The following FBXO34 variants were observed in gnomAD, a reference collection of about 807,000 sequenced individuals.
FBXO34 encodes the protein F-box only protein 34.
A neutral mutation model predicts 24.5 loss-of-function variants in FBXO34; 12 were observed. The ratio of observed to expected loss-of-function variants is 0.49; its 90% CI spans 0.31 to 0.79. The LOEUF (loss-of-function observed/expected upper bound fraction) is 0.79. Ranked by LOEUF, FBXO34 falls within the 30% of genes least tolerant of loss-of-function variation. The pLI is 0.04. For missense variants in FBXO34, 823 were observed against 857.7 expected (o/e 0.96, Z 0.51); for synonymous variants, 320 against 311.9 (o/e 1.03, Z -0.27).
chr14:55,308,804 G>A (rs944496865), intron 1 of FBXO34, among the ~76,000 whole-genome samples: 1 of 152,128 alleles, frequency 6.6e-6, no homozygotes, highest in East Asian at 1.9e-4. Flanking sequence ...AATGATTATG[G>A]TTTAAAAGCT....
At chr14:55,309,288 G>GT (rs1882655411) in intron 1 of FBXO34, among the ~76,000 whole-genome samples, 1 of 152,028 alleles carries the variant, frequency 6.6e-6, no homozygotes, top group African/African-American at 2.4e-5. Flanking sequence ...GACACTGCTG[G>GT]TTTTTTTGCA....
chr14:55,419,713 A>T, the FBXO34 span, among the ~76,000 whole-genome samples: 1 of 152,190 alleles, frequency 6.6e-6, no homozygotes, highest in African/African-American at 2.4e-5. Context: ...TATATGGATA[A>T]ATTATTTTCA....
At chr14:55,407,034 T>C in the FBXO34 span, among the ~76,000 whole-genome samples, 1 of 151,662 alleles carries the variant, frequency 6.6e-6, no homozygotes, top group Non-Finnish European at 1.5e-5. Flanking sequence ...TGATCTCAGC[T>C]CATGGCAGCC....
At chr14:55,305,014 T>G (rs1303197567) in intron 1 of FBXO34, among the ~76,000 whole-genome samples, 3 of 152,240 alleles carry the variant, frequency 2.0e-5, no homozygotes, top group Non-Finnish European at 2.9e-5. Flanking sequence ...CAACTTCCCT[T>G]TCAGTTTAGT....
At chr14:55,337,913 A>G (rs572846520) in intron 1 of FBXO34, among the ~76,000 whole-genome samples, 212 of 152,206 alleles carry the variant, frequency 1.4e-3, no homozygotes, top group Non-Finnish European at 2.5e-3. Context: ...GTGTAGTGGT[A>G]AGAGCGTAGG....
the FBXO34 span, among the ~76,000 whole-genome samples, chr14:55,381,624 C>T: frequency 6.6e-6 from 1 of 152,172 alleles, no homozygotes; most frequent in Non-Finnish European, 1.5e-5. Context: ...GAAAACATTA[C>T]GCTAAGTGAA....
the FBXO34 span, chr14:55,440,667 C>G: frequency 8.6e-7 from 1 of 1,164,894 alleles, no homozygotes; most frequent in South Asian, 1.6e-5. Flanking sequence ...GGCCCATGGG[C>G]GCTGGGAAGC....
At chr14:55,277,905 A>G (rs1414420024) in intron 1 of FBXO34, among the ~76,000 whole-genome samples, 1 of 152,150 alleles carries the variant, frequency 6.6e-6, no homozygotes, top group Non-Finnish European at 1.5e-5. Flanking sequence ...AGTTGTAGCA[A>G]ACAGGATTTA....
chr14:55,272,098 A>C (rs955954359), intron 1 of FBXO34: 2 of 152,018 alleles, frequency 1.3e-5, no homozygotes, highest in Non-Finnish European at 2.9e-5. Context: ...TCAGTCCACG[A>C]TGAAGTCATA....
downstream of FBXO34, among the ~76,000 whole-genome samples, chr14:55,372,601 T>C (rs939411794): frequency 6.6e-6 from 1 of 150,902 alleles, no homozygotes; most frequent in Non-Finnish European, 1.5e-5. Flanking sequence ...CTCCTTCCCT[T>C]CCTCCTTCCC....
At chr14:55,323,171 T>C (rs925610887) in intron 1 of FBXO34, among the ~76,000 whole-genome samples, 2 of 78,092 alleles carry the variant, frequency 2.6e-5, no homozygotes, top group East Asian at 3.9e-4. Flanking sequence ...GGCGACAGAG[T>C]GAGACTCTGT....
At chr14:55,375,434 C>G in the FBXO34 span, among the ~76,000 whole-genome samples, 1 of 151,998 alleles carries the variant, frequency 6.6e-6, no homozygotes, top group African/African-American at 2.4e-5. Context: ...GCGACCCTCC[C>G]ACCTCAGCCT....
At chr14:55,411,078 G>A in the FBXO34 span, among the ~76,000 whole-genome samples, 1 of 152,110 alleles carries the variant, frequency 6.6e-6, no homozygotes, top group Non-Finnish European at 1.5e-5. Flanking sequence ...AGGGGAAAGG[G>A]GCGTTAACAG....
chr14:55,430,378 T>C, the FBXO34 span, among the ~76,000 whole-genome samples: 91 of 144,306 alleles, frequency 6.3e-4, no homozygotes, highest in African/African-American at 2.2e-3. Flanking sequence ...TCATTTAATG[T>C]TGATTCTCCT....
chr14:55,412,414 ACAAC>A, the FBXO34 span, among the ~76,000 whole-genome samples: 3 of 152,190 alleles, frequency 2.0e-5, no homozygotes, highest in African/African-American at 7.2e-5. Flanking sequence ...AATAGTGAAA[ACAAC>A]CAAAGTGAAC....
At chr14:55,362,342 C>T (rs972027974), downstream of FBXO34, among the ~76,000 whole-genome samples, 2 of 152,092 alleles carry the variant, frequency 1.3e-5, no homozygotes, top group Non-Finnish European at 1.5e-5. Context: ...CACTGATCAC[C>T]ATAACAGATA....
the FBXO34 span, among the ~76,000 whole-genome samples, chr14:55,398,432 T>C: frequency 4.6e-5 from 7 of 152,306 alleles, no homozygotes; most frequent in Non-Finnish European, 1.0e-4. Flanking sequence ...CTATGCACTG[T>C]TATAGCTATA....
At chr14:55,344,546 ATTT>A (rs3085086) in intron 1 of FBXO34, among the ~76,000 whole-genome samples, 225 of 138,958 alleles carry the variant, frequency 1.6e-3, no homozygotes, top group African/African-American at 1.2e-3. Context: ...GTGTATGTGT[ATTT>A]TTTTTTTTTT....
chr14:55,377,917 A>G, the FBXO34 span: 33 of 1,596,786 alleles, frequency 2.1e-5, no homozygotes, highest in Non-Finnish European at 2.7e-5. Flanking sequence ...AAAAAAAATT[A>G]AAGAATTGGT....
Sources: gnomAD v4.1 joint callset for allele counts (sites outside exome capture counted in the v4.1 genomes callset) on GRCh38, gnomAD v4.1.1 for gene constraint, MANE v1.5 for transcripts, NCBI Gene and HGNC (gene_info 2026-07-23, HGNC 2026-07-21) for gene names.